CRACDL: variants seen among roughly 807,000 people sequenced by gnomAD.
The protein encoded by CRACDL is CRACD-like protein.
A neutral mutation model predicts 70.6 loss-of-function variants in CRACDL; 26 were observed. That is an observed-to-expected ratio of 0.37 (90% confidence interval 0.27 to 0.51). The LOEUF is 0.51. Ranked by LOEUF, CRACDL falls within the 20% of genes least tolerant of loss-of-function variation. CRACDL has a pLI of 0.94. For missense variants in CRACDL, 1,283 were observed against 1,376.9 expected, an observed-to-expected ratio of 0.93 and a Z score of 1.08; for synonymous variants, 618 against 615.2, an observed-to-expected ratio of 1.00 and a Z score of -0.07.
Position 98,823,605 on chromosome 2 carries a change from T to C in CRACDL, c.736-68A>G, listed in dbSNP as rs1705191001. ...TCCAGGAAGCCTGTCACCTCCCCAC[T>C]TTTTTCAAGGCTTATAATGGTTTAG... On this transcript the variant is annotated intron_variant, in intron 6 of 9. Coordinates refer to ENST00000397899, the MANE Select transcript of CRACDL (RefSeq NM_207362.3). This position sits in a 1 kb window ranked among gnomAD's most constrained non-coding sequence, Gnocchi z 4.0. 3 of 1,524,090 alleles carry C rather than the reference T, an allele frequency of 2.0e-6. No homozygotes were observed. The highest frequency in any genetic ancestry group is 2.4e-5 in the East Asian group (1 of 40,856). 94.4% of individuals were successfully genotyped at this position (1,524,090 alleles called of 1,614,324 possible).
At chr2:98,920,285 G>A (rs1558640188) in intron 1 of CRACDL, among the ~76,000 whole-genome samples, 1 of 152,084 alleles carries the variant, frequency 6.6e-6, no homozygotes, top group Non-Finnish European at 1.5e-5. Context: ...TGGTTCCTGG[G>A]TATTCCATCT....
At chr2:98,918,539 C>CAAAAAAAAAAAAAAAAAAAAAAAA in intron 1 of CRACDL, among the ~76,000 whole-genome samples, 1 of 66,358 alleles carries the variant, frequency 1.5e-5, no homozygotes, top group Non-Finnish European at 2.9e-5. Flanking sequence ...TGTTGTCTAC[C>CAAAAAAAAAAAAAAAAAAAAAAAA]AAAAAAAAAA....
Position 98,823,553 on chromosome 2 carries a change from A to T in CRACDL, c.736-16T>A. 1 of 1,551,650 alleles carries T rather than the reference A, an allele frequency of 6.4e-7. No individual in the cohort carries two copies. The highest frequency in any genetic ancestry group is 8.7e-7 in the Non-Finnish European group (1 of 1,155,878). ...ACTGAGCGCGCTGAGAGAAATAAAG[A>T]TAAAAAGCATCGTCGCTATAGCCAA... On this transcript the variant is annotated splice_polypyrimidine_tract_variant and intron_variant, in intron 6 of 9. Coordinates refer to ENST00000397899, the MANE Select transcript of CRACDL (RefSeq NM_207362.3). The surrounding 1 kb of genome is among the most constrained non-coding windows in gnomAD (Gnocchi z 4.0).
chr2:98,815,753 G>A (rs1234897057), intron 7 of CRACDL, among the ~76,000 whole-genome samples: 1 of 152,202 alleles, frequency 6.6e-6, no homozygotes, highest in Non-Finnish European at 1.5e-5. Flanking sequence ...GCCCTGCAGA[G>A]GGTACTGCTA....
At chr2:98,911,274 A>G (rs1004889825) in intron 1 of CRACDL, among the ~76,000 whole-genome samples, 2 of 152,182 alleles carry the variant, frequency 1.3e-5, no homozygotes, top group African/African-American at 2.4e-5. Context: ...GGGCCTTGCA[A>G]AGAACAGAGG....
chr2:98,911,727 C>T (rs561293179), intron 1 of CRACDL, among the ~76,000 whole-genome samples: 1 of 152,106 alleles, frequency 6.6e-6, no homozygotes, highest in Non-Finnish European at 1.5e-5. Flanking sequence ...AGGGCAGAAA[C>T]CATCTGGCTT....
chr2:98,805,599 TTCCTC>T (rs1466935806), intron 7 of CRACDL, among the ~76,000 whole-genome samples: 6 of 152,256 alleles, frequency 3.9e-5, no homozygotes, highest in African/African-American at 1.2e-4. Context: ...CTTGCTCCAC[TTCCTC>T]TCCTAAGTGG....
intron 1 of CRACDL, among the ~76,000 whole-genome samples, chr2:98,896,243 A>G (rs1708121935): frequency 6.6e-6 from 1 of 152,212 alleles, no homozygotes; most frequent in Non-Finnish European, 1.5e-5. Context: ...ACATGCGGGC[A>G]TGAGAGTGGA....
At chr2:98,877,626 A>C (rs1707519429) in intron 1 of CRACDL, among the ~76,000 whole-genome samples, 1 of 151,974 alleles carries the variant, frequency 6.6e-6, no homozygotes, top group African/African-American at 2.4e-5. Context: ...GCGGGTGCCT[A>C]TAGTCCCAGC....
At chr2:98,816,135 G>T (rs2104448696) in intron 7 of CRACDL, among the ~76,000 whole-genome samples, 1 of 152,260 alleles carries the variant, frequency 6.6e-6, no homozygotes, top group East Asian at 1.9e-4. Flanking sequence ...AGAGCGCAGA[G>T]GTGTTACTTC....
chr2:98,809,558 G>C (rs1169545947), intron 7 of CRACDL, among the ~76,000 whole-genome samples: 1 of 152,160 alleles, frequency 6.6e-6, no homozygotes, highest in African/African-American at 2.4e-5. Context: ...TTTCCTCTGC[G>C]CTGGTGGCTC....
At chr2:98,898,539 C>T (rs532658218) in intron 1 of CRACDL, among the ~76,000 whole-genome samples, 103 of 152,378 alleles carry the variant, frequency 6.8e-4, no homozygotes, top group Middle Eastern at 3.4e-3. Flanking sequence ...GGCCAGGGCA[C>T]ATGCACCAGA....
chr2:98,798,718 G>T (rs989869066), intron 7 of CRACDL, among the ~76,000 whole-genome samples: 1 of 151,136 alleles, frequency 6.6e-6, no homozygotes. Context: ...TTGAGACAGG[G>T]TCTCACTCTG....
At chr2:98,931,324 C>CAAAA (rs530900049) in intron 1 of CRACDL, among the ~76,000 whole-genome samples, 1 of 96,246 alleles carries the variant, frequency 1.0e-5, no homozygotes, top group Non-Finnish European at 2.1e-5. Context: ...GACTCCATCT[C>CAAAA]AAAAAAAAAA....
At chr2:98,801,897 G>A (rs750344068) in intron 7 of CRACDL, among the ~76,000 whole-genome samples, 4 of 152,342 alleles carry the variant, frequency 2.6e-5, no homozygotes, top group African/African-American at 7.2e-5. Context: ...CCTGCTGGAG[G>A]AGGGGTGGAG....
At chr2:98,854,881 TAA>T (rs778992835) in intron 1 of CRACDL, among the ~76,000 whole-genome samples, 3 of 152,222 alleles carry the variant, frequency 2.0e-5, no homozygotes, top group Non-Finnish European at 2.9e-5. Flanking sequence ...GGAAGTGCTA[TAA>T]AAGCCATTAC....
chr2:98,885,729 G>A (rs1039011073), intron 1 of CRACDL, among the ~76,000 whole-genome samples: 9 of 152,158 alleles, frequency 5.9e-5, no homozygotes, highest in Non-Finnish European at 1.3e-4. Context: ...TCTGCAACTT[G>A]CCTCAGGACA....
chr2:98,808,704 G>T (rs1704426356), intron 7 of CRACDL, among the ~76,000 whole-genome samples: 1 of 152,160 alleles, frequency 6.6e-6, no homozygotes, highest in Non-Finnish European at 1.5e-5. Flanking sequence ...TGCTCAGAGG[G>T]GCCTGGGACA....
At chr2:98,850,200 C>T (rs1413419393) in intron 1 of CRACDL, among the ~76,000 whole-genome samples, 15 of 152,220 alleles carry the variant, frequency 9.9e-5, no homozygotes, top group Admixed American at 9.8e-4. Context: ...CCCCACCGCC[C>T]AATGGGCTCA....
Sources: allele counts gnomAD v4.1 joint callset (sites outside exome capture counted in the v4.1 genomes callset), GRCh38; gene constraint gnomAD v4.1.1; non-coding constraint Gnocchi (gnomAD v3.1); transcripts MANE v1.5; gene names NCBI Gene and HGNC (gene_info 2026-07-23, HGNC 2026-07-21).